IQGAP1: variants seen among roughly 807,000 people sequenced by gnomAD.
IQGAP1 encodes the protein IQ motif containing GTPase activating protein 1, also known as ras GTPase-activating-like protein IQGAP1.
IQGAP1 carries 66 observed loss-of-function variants against 215.6 expected under a neutral mutation model. The observed-to-expected ratio is 0.31, with a 90% confidence interval of 0.25 to 0.38. IQGAP1 has a LOEUF of 0.38. Among genes scored for constraint, IQGAP1 ranks in the 10% least tolerant of loss-of-function variants. IQGAP1 has a pLI of 1.00. For missense variants in IQGAP1, 1,712 were observed against 1,997.1 expected (o/e 0.86, Z 2.72); for synonymous variants, 772 against 728.7 (o/e 1.06, Z -0.96).
chr15:90,477,914 T>C, intron 26 of IQGAP1, 25 bp downstream of exon 26: 1 of 1,414,720 alleles, frequency 7.1e-7, no homozygotes, highest in Admixed American at 1.7e-5. Context: ...ATGACACTTT[T>C]CTTTCATGTT....
intron 35 of IQGAP1, among the ~76,000 whole-genome samples, chr15:90,493,375 C>G (rs1966232107): frequency 6.6e-6 from 1 of 152,182 alleles, no homozygotes; most frequent in Non-Finnish European, 1.5e-5. Flanking sequence ...GGGACAAGAT[C>G]ACAGGCTCTG....
chr15:90,440,714 A>T (rs1965436747), intron 7 of IQGAP1, 99 bp downstream of exon 7: 3 of 724,926 alleles, frequency 4.1e-6, no homozygotes, highest in Admixed American at 2.7e-5. Context: ...GAATCTTGCC[A>T]GCAAGTTTAA....
chr15:90,500,873 C>T lies in IQGAP1; in HGVS notation c.*765C>T, dbSNP rs1966332307. ...GCACCTGCCTGTTTTTGTTGGTGCA[C>T]AGAGATTGACTTGATTCAGAGAGAC... On this transcript the variant is annotated 3_prime_UTR_variant, in exon 38 of 38. Transcript: ENST00000268182. The T allele has an allele frequency of 6.6e-6, 1 of 152,574 alleles. No individual in the cohort carries two copies. Among genetic ancestry groups the T allele is most frequent in the Non-Finnish European group, 1.5e-5 (1 of 68,036 alleles). 9.5% of individuals were successfully genotyped at this position (152,574 alleles called of 1,614,324 possible).
chr15:90,434,579 A>G lies in IQGAP1; in HGVS notation c.467+784A>G, dbSNP rs1387689436. ...TGTGACTTAATTTTCAGGTCCCCAG[A>G]ACACTAAATTAAATAGGAAGGAAAA... On this transcript the variant is annotated intron_variant, in intron 5 of 37. Coordinates refer to ENST00000268182, the MANE Select transcript of IQGAP1 (RefSeq NM_003870.4). Among the ~76,000 whole-genome samples the G allele has an allele frequency of 2.6e-5, 4 of 152,198 alleles. No homozygotes were observed. In the East Asian group the frequency reaches 7.7e-4, roughly 29 times the overall value.
In IQGAP1 at chr15:90,452,913, C is replaced by G. The variant is rs1243615636; in HGVS notation, c.1301C>G (p.Ala434Gly). Residue 434 changes from alanine (A) to glycine (G), a missense_variant, in exon 12 of 38, where the codon GCT (alanine) becomes GGT (glycine). Around this residue, in one of 2 missense-constraint regions of IQGAP1, gnomAD observed 1,021 missense variants for 1,074.2 expected, o/e 0.95. Coordinates refer to ENST00000268182, the MANE Select transcript of IQGAP1 (RefSeq NM_003870.4). ...FAADLYQKEL[A>G]TLQRQSPEHN... ...GCCGATCTCTATCAGAAGGAGCTGG[C>G]TACCCTGCAGCGACAAAGTCCTGAA... The G allele has an allele frequency of 6.2e-7, 1 of 1,613,898 alleles. No homozygotes were observed. Among genetic ancestry groups the G allele is most frequent in the Non-Finnish European group, 8.5e-7 (1 of 1,180,014 alleles).
At chr15:90,392,712 C>T (rs554674819) in intron 2 of IQGAP1, among the ~76,000 whole-genome samples, 1 of 147,228 alleles carries the variant, frequency 6.8e-6, no homozygotes, top group African/African-American at 2.5e-5. Context: ...GTTTTTTGGT[C>T]TACTTGTAGT....
At chr15:90,388,428 C>T in intron 1 of IQGAP1, 32 bp downstream of exon 1, 1 of 1,304,142 alleles carries the variant, frequency 7.7e-7, no homozygotes. Flanking sequence ...GCGGGGGCTT[C>T]GGGCTGGGCT....
In IQGAP1 at chr15:90,476,766, A is replaced by G; in HGVS notation, c.2888A>G (p.Lys963Arg). 3 of 1,607,802 alleles carry G rather than the reference A, an allele frequency of 1.9e-6. No homozygotes were observed. The highest frequency in any genetic ancestry group is 2.5e-6 in the Non-Finnish European group (3 of 1,178,672). Residue 963 changes from lysine (K) to arginine (R), a missense_variant, in exon 24 of 38, where the codon AAG becomes AGG. Transcript: ENST00000268182. ...AAGGGAGGTCTCAAGGCTTTGAGCA[A>G]GGAGAAGAGAGAGAAGTTGGAAGCT... ...KQKGGLKALS[K>R]EKREKLEAYQ...
chr15:90,489,101 A>G (rs1053479618), intron 33 of IQGAP1, among the ~76,000 whole-genome samples: 4 of 149,554 alleles, frequency 2.7e-5, no homozygotes, highest in Admixed American at 1.3e-4. Flanking sequence ...TGGATGAGTC[A>G]TGTCATATCT....
At chr15:90,441,817 T>A in intron 8 of IQGAP1, 133 bp downstream of exon 8, 1 of 695,528 alleles carries the variant, frequency 1.4e-6, no homozygotes, top group Non-Finnish European at 2.4e-6. Context: ...AAATGTACAG[T>A]TTGAGTTTTG....
intron 5 of IQGAP1, among the ~76,000 whole-genome samples, chr15:90,435,713 A>G (rs1414883366): frequency 6.6e-6 from 1 of 152,202 alleles, no homozygotes; most frequent in African/African-American, 2.4e-5. Context: ...AGTAGAGCCT[A>G]AAGAATTAAC....
In IQGAP1 at chr15:90,482,239, G is replaced by A; in HGVS notation, c.3513G>A (p.Leu1171=). 1 of 1,614,176 alleles carries A rather than the reference G, an allele frequency of 6.2e-7. No individual in the cohort carries two copies. The highest frequency in any genetic ancestry group is 8.5e-7 in the Non-Finnish European group (1 of 1,180,018). The part of the protein sequence containing the change: ...RFIAKVLKDS[L]HEKFPDAGED... Reference sequence around the variant, plus strand: ...TTGCCAAAGTGCTGAAGGACTCGTTGCATGAGAAGTTCCCTGATGCTGGTG... The same window carrying A: ...TTGCCAAAGTGCTGAAGGACTCGTTACATGAGAAGTTCCCTGATGCTGGTG... The change falls in exon 28 of 38, where the codon TTG becomes TTA. Residue 1171 remains leucine, a synonymous_variant. Transcript: ENST00000268182.
At position 90,439,501 on chromosome 15, in the gene IQGAP1, T is replaced by C. The variant is rs373564493; in HGVS notation, c.535+102T>C. 1.8e-3 allele frequency: 1,414 copies of C among 798,474 alleles called. 27 individuals are homozygous for C. The South Asian group carries it at 0.023, about 13-fold the overall frequency. The allele number at this position is 798,474 out of a possible 1,614,324, so 49.5% of individuals were successfully genotyped here. ...AAGACCTAGGGCTTTAAAAATACAC[T>C]GGCAGTGGAGGTGAAAAAAATACGA... is the stretch of plus-strand genomic sequence containing the variant. On this transcript the variant is annotated intron_variant, in intron 6 of 37. Coordinates refer to ENST00000268182, the MANE Select transcript of IQGAP1 (RefSeq NM_003870.4).
intron 1 of IQGAP1, among the ~76,000 whole-genome samples, chr15:90,389,805 A>T (rs1327995078): frequency 6.6e-6 from 1 of 151,646 alleles, no homozygotes; most frequent in Non-Finnish European, 1.5e-5. Flanking sequence ...AAAAAAAAAA[A>T]AATTAGCCAG....
intron 2 of IQGAP1, among the ~76,000 whole-genome samples, chr15:90,395,000 G>A (rs2601195): frequency 0.55 from 83,453 of 151,950 alleles, 24,123 homozygotes; most frequent in African/African-American, 0.71. Flanking sequence ...CTGTGGCTGT[G>A]GGTTTGTGTT....
chr15:90,494,580 C>T, intron 35 of IQGAP1, 133 bp from the exon 36 acceptor site: 1 of 605,876 alleles, frequency 1.7e-6, no homozygotes, highest in South Asian at 2.7e-5. Context: ...ATTTGTTTGC[C>T]ATTTTAGAGT....
chr15:90,406,688 T>C (rs1041634281), intron 2 of IQGAP1, among the ~76,000 whole-genome samples: 1 of 152,220 alleles, frequency 6.6e-6, no homozygotes, highest in African/African-American at 2.4e-5. Flanking sequence ...GTCAGTGATG[T>C]GTCAGTGAAG....
chr15:90,437,817 G>A (rs1257371016), intron 5 of IQGAP1, among the ~76,000 whole-genome samples: 1 of 152,190 alleles, frequency 6.6e-6, no homozygotes, highest in Admixed American at 6.5e-5. Context: ...GGAATTACAG[G>A]TGTGAGCCAC....
chr15:90,411,368 C>A (rs1398096499), intron 2 of IQGAP1, among the ~76,000 whole-genome samples: 1 of 151,858 alleles, frequency 6.6e-6, no homozygotes, highest in Non-Finnish European at 1.5e-5. Flanking sequence ...AGCCACAACA[C>A]CCCCAGGCTC....
Sources: allele counts gnomAD v4.1 joint callset (sites outside exome capture counted in the v4.1 genomes callset), GRCh38; gene constraint gnomAD v4.1.1; regional missense constraint gnomAD v4.1.1; transcripts MANE v1.5; gene names NCBI Gene and HGNC (gene_info 2026-07-23, HGNC 2026-07-21).